Variants in NAV3 observed in about 807,000 individuals in gnomAD.
NAV3 encodes the protein pore membrane and/or filament interacting like protein 1.
NAV3 carries 87 observed loss-of-function variants against 244.7 expected under a neutral mutation model. That is an observed-to-expected ratio of 0.36 (90% CI 0.30 to 0.42). The LOEUF (loss-of-function observed/expected upper bound fraction) is 0.42, where lower values mean the gene tolerates loss of function less well. NAV3 is among the 20% of genes least tolerant of loss of function. The probability of loss-of-function intolerance (pLI) is 1.00; values close to 1 mark genes in which losing one functional copy is unlikely to be tolerated. For missense variants in NAV3, 2,663 were observed against 2,893.3 expected, an observed-to-expected ratio of 0.92 and a Z score of 1.83; for synonymous variants, 1,126 against 1,042.2, an observed-to-expected ratio of 1.08 and a Z score of -1.55.
chr12:77,964,213 T>A (rs1324448639), intron 3 of NAV3, among the ~76,000 whole-genome samples: 2 of 152,068 alleles, frequency 1.3e-5, no homozygotes, highest in African/African-American at 4.8e-5. Flanking sequence ...CTTACAAACT[T>A]AGTTACAGAC....
At chr12:77,596,930 G>T (rs1360047059) in intron 2 of NAV3, among the ~76,000 whole-genome samples, 2 of 152,006 alleles carry the variant, frequency 1.3e-5, no homozygotes, top group Non-Finnish European at 2.9e-5. Flanking sequence ...AAAAGTTGTT[G>T]GTAATAGTGA....
intron 12 of NAV3, among the ~76,000 whole-genome samples, chr12:78,072,029 C>G (rs891740936): frequency 2.5e-4 from 38 of 152,246 alleles, no homozygotes; most frequent in Admixed American, 1.2e-3. Flanking sequence ...GGGACGCATT[C>G]AAAGCAGTGT....
At chr12:77,951,738 C>T (rs1890905095) in intron 3 of NAV3, among the ~76,000 whole-genome samples, 1 of 152,002 alleles carries the variant, frequency 6.6e-6, no homozygotes, top group Admixed American at 6.6e-5. Flanking sequence ...ACTATGCAGC[C>T]ATAAAAAAGG....
At chr12:77,867,499 C>A (rs1054660869) in intron 1 of NAV3, among the ~76,000 whole-genome samples, 32 of 152,122 alleles carry the variant, frequency 2.1e-4, no homozygotes, top group East Asian at 1.6e-3. Context: ...AGCTCACTGC[C>A]AGCTCCGCCT....
intron 5 of NAV3, among the ~76,000 whole-genome samples, chr12:77,983,766 T>C (rs1869982782): frequency 6.6e-6 from 1 of 152,200 alleles, no homozygotes; most frequent in Admixed American, 6.5e-5. Context: ...TCTTTTTGTT[T>C]TGCAATGTAC....
intron 1 of NAV3, among the ~76,000 whole-genome samples, chr12:77,917,334 A>G (rs1370365498): frequency 6.6e-6 from 1 of 152,052 alleles, no homozygotes. Context: ...AGCTGTCTCC[A>G]GAGTCCCTTC....
rs915537727 is a variant in NAV3 at position 77,615,644 on chromosome 12, A to C, written c.72+43378A>C. 2.6e-5 allele frequency among the ~76,000 whole-genome samples: 4 copies of C among 152,076 alleles called. No homozygotes were observed. The South Asian group carries it at 6.2e-4, about 24-fold the overall frequency. ...GTTGATGGGCATCTTTATTGATTCC[A>C]TTATTCGCTATTGTGAATGCTGCTG... On this transcript the variant is annotated intron_variant, in intron 2 of 8. Coordinates refer to the NAV3 transcript ENST00000550042.
chr12:77,979,901 A>G (rs773754119), intron 5 of NAV3, among the ~76,000 whole-genome samples: 2 of 152,058 alleles, frequency 1.3e-5, no homozygotes, highest in Admixed American at 6.6e-5. Context: ...TTGCCAGAGA[A>G]AAAGGCTTTA....
chr12:78,047,306 T>G lies in NAV3; in HGVS notation c.2024-2687T>G, dbSNP rs1881981236. 2.0e-5 allele frequency among the ~76,000 whole-genome samples: 3 copies of G among 151,960 alleles called. No individual in the cohort carries two copies. In the South Asian group the frequency reaches 6.2e-4, roughly 32 times the overall value. On this transcript the variant is annotated intron_variant, in intron 9 of 39. Coordinates refer to ENST00000397909, the MANE Select transcript of NAV3 (RefSeq NM_001024383.2). ...ATCGAGACCATCCTGGCTAACACGG[T>G]GAAACCCCATCTCTACTAAAAATAC...
chr12:78,149,793 G>A (rs761291579), intron 22 of NAV3, among the ~76,000 whole-genome samples: 14 of 151,898 alleles, frequency 9.2e-5, no homozygotes, highest in Non-Finnish European at 1.9e-4. Context: ...AGCATGATAT[G>A]TCAAGAGTGA....
intron 12 of NAV3, among the ~76,000 whole-genome samples, chr12:78,115,190 A>T (rs1040859528): frequency 6.6e-6 from 1 of 152,120 alleles, no homozygotes; most frequent in Admixed American, 6.5e-5. Context: ...TATTTGCAGG[A>T]GCCTTTTAAA....
chr12:78,174,524 T>G (rs1958138067), intron 24 of NAV3, among the ~76,000 whole-genome samples: 1 of 151,894 alleles, frequency 6.6e-6, no homozygotes, highest in Non-Finnish European at 1.5e-5. Context: ...GTAGTTTGCT[T>G]TAAGAATAAA....
In NAV3 at chr12:78,126,998, C is replaced by T. The variant is rs146556258; in HGVS notation, c.4239-169C>T. Among the ~76,000 whole-genome samples, 670 of 152,252 alleles carry T rather than the reference C, an allele frequency of 4.4e-3. 2 individuals carry two copies. The highest frequency in any genetic ancestry group is 6.7e-3 in the Non-Finnish European group (454 of 67,990). ...TAGAAAGGAACTCAAATATGTGTGA[C>T]GGCAATGGACATCTTGTCACCTTTA... On this transcript the variant is annotated intron_variant, in intron 16 of 39. Transcript: ENST00000397909.
chr12:77,605,567 T>A (rs1870634378), intron 2 of NAV3, among the ~76,000 whole-genome samples: 1 of 152,176 alleles, frequency 6.6e-6, no homozygotes, highest in African/African-American at 2.4e-5. Flanking sequence ...AGATTAAAGA[T>A]AACTTGTATT....
At chr12:77,803,367 A>C (rs1871814927) in intron 2 of NAV3, among the ~76,000 whole-genome samples, 1 of 152,084 alleles carries the variant, frequency 6.6e-6, no homozygotes, top group Admixed American at 6.6e-5. Context: ...TATGAGTGAG[A>C]ACATGTGGTG....
At chr12:77,654,588 C>CA in intron 2 of NAV3, among the ~76,000 whole-genome samples, 2 of 152,092 alleles carry the variant, frequency 1.3e-5, no homozygotes, top group Non-Finnish European at 2.9e-5. Context: ...TGTCTGACAG[C>CA]TTTGAGGAGA....
chr12:77,873,744 G>GTGTATATATATATATATATA (rs776225440), intron 1 of NAV3, among the ~76,000 whole-genome samples: 8 of 73,182 alleles, frequency 1.1e-4, no homozygotes, highest in South Asian at 6.5e-4. Flanking sequence ...ATGTGTGTGT[G>GTGTATATATATATATATATA]TATATATATA....
intron 2 of NAV3, among the ~76,000 whole-genome samples, chr12:77,786,492 A>T (rs1870911259): frequency 6.6e-6 from 1 of 152,172 alleles, no homozygotes; most frequent in Non-Finnish European, 1.5e-5. Context: ...TTGAAACATC[A>T]TTCTATTTCA....
chr12:77,884,647 G>C (rs1883064736), intron 1 of NAV3, among the ~76,000 whole-genome samples: 2 of 152,064 alleles, frequency 1.3e-5, no homozygotes, highest in African/African-American at 4.8e-5. Flanking sequence ...TCAGCTGTTG[G>C]GATGATGTCC....
Sources: allele counts gnomAD v4.1 joint callset (sites outside exome capture counted in the v4.1 genomes callset), GRCh38; gene constraint gnomAD v4.1.1; transcripts MANE v1.5; gene names NCBI Gene and HGNC (gene_info 2026-07-23, HGNC 2026-07-21).